Variants in ATM observed in about 807,000 individuals in gnomAD.
ATM encodes serine-protein kinase ATM.
A neutral mutation model predicts 387.0 loss-of-function variants in ATM; 308 were observed. The observed-to-expected ratio is 0.80, with a 90% CI of 0.73 to 0.87. ATM has a LOEUF of 0.87. Ranked by LOEUF, ATM falls within the 40% of genes least tolerant of loss-of-function variation. ATM has a pLI of 0.00. For synonymous variants in ATM, 1,156 were observed against 1,187.3 expected, an observed-to-expected ratio of 0.97 and a Z score of 0.54; for missense variants, 3,312 against 3,560.9, an observed-to-expected ratio of 0.93 and a Z score of 1.78.
At position 108,354,880 on chromosome 11, in the gene ATM, G is replaced by C. The variant is rs2089704921; in HGVS notation, c.8850+6G>C. The C allele has an allele frequency of 1.2e-6, 2 of 1,609,554 alleles. No homozygotes were observed. On this transcript the variant is annotated splice_donor_region_variant and intron_variant, in intron 61 of 62. Transcript: ENST00000675843. Reference sequence around the variant, plus strand: ...CTCTGTTAACCATTGTAGAGGTAAAGTATTTTATAAGGAAGACTTTATTTT... The same window carrying C: ...CTCTGTTAACCATTGTAGAGGTAAACTATTTTATAAGGAAGACTTTATTTT...
chr11:108,269,911 A>G (rs2081480969), intron 18 of ATM, among the ~76,000 whole-genome samples: 1 of 152,240 alleles, frequency 6.6e-6, no homozygotes, highest in Non-Finnish European at 1.5e-5. Flanking sequence ...ATCCCTGACC[A>G]AGAGGAAGTT....
intron 34 of ATM, among the ~76,000 whole-genome samples, chr11:108,300,209 C>A (rs2083354972): frequency 3.3e-5 from 5 of 152,130 alleles, no homozygotes; most frequent in African/African-American, 1.2e-4. Flanking sequence ...ATGTTTTAGG[C>A]TCTTGTCAGT....
intron 61 of ATM, among the ~76,000 whole-genome samples, chr11:108,359,749 G>A (rs1175501947): frequency 3.3e-5 from 5 of 152,088 alleles, no homozygotes; most frequent in African/African-American, 4.8e-5. Flanking sequence ...TGAAACCAAC[G>A]AGAACAAAGA....
chr11:108,307,239 C>T (rs4988056), intron 37 of ATM, among the ~76,000 whole-genome samples: 3,969 of 151,680 alleles, frequency 0.026, 184 homozygotes, highest in African/African-American at 0.091. Flanking sequence ...AACCTCTGCC[C>T]CTCAGGATCA....
At chr11:108,245,151 C>T (rs914995900) in intron 7 of ATM, 125 bp downstream of exon 7, 6 of 811,450 alleles carry the variant, frequency 7.4e-6, no homozygotes, top group Non-Finnish European at 1.0e-5. Flanking sequence ...GATAATGTTA[C>T]TTAGCCATGA....
chr11:108,320,870 C>T (rs907505402), intron 44 of ATM, among the ~76,000 whole-genome samples: 1 of 152,010 alleles, frequency 6.6e-6, no homozygotes, highest in African/African-American at 2.4e-5. Context: ...AGTAGATTAA[C>T]ACATATTTTG....
At chr11:108,317,849 C>G (rs921275659) in intron 43 of ATM, among the ~76,000 whole-genome samples, 4 of 151,446 alleles carry the variant, frequency 2.6e-5, no homozygotes, top group Admixed American at 2.0e-4. Context: ...ACAACTTCAC[C>G]CCACCCCTAA....
At chr11:108,294,245 T>C (rs2082997222) in intron 31 of ATM, among the ~76,000 whole-genome samples, 1 of 152,184 alleles carries the variant, frequency 6.6e-6, no homozygotes, top group African/African-American at 2.4e-5. Context: ...CGAAATTATG[T>C]TTAGGTATAT....
At chr11:108,225,572 C>T (rs1282441142) in intron 1 of ATM, 1 of 152,178 alleles carries the variant, frequency 6.6e-6, no homozygotes, top group Non-Finnish European at 1.5e-5. Context: ...CTCCTGGGTT[C>T]AAGTGAGTCT....
chr11:108,253,768 G>A (rs986055761), intron 12 of ATM, 46 bp from the exon 13 acceptor site: 17 of 1,443,984 alleles, frequency 1.2e-5, no homozygotes, highest in Non-Finnish European at 1.6e-5. Context: ...ATAAGGCAAA[G>A]CATTAGGTAC....
At chr11:108,331,720 C>T (rs1453754708) in intron 51 of ATM, among the ~76,000 whole-genome samples, 159 bp from the exon 52 acceptor site, 1 of 151,726 alleles carries the variant, frequency 6.6e-6, no homozygotes, top group Non-Finnish European at 1.5e-5. Flanking sequence ...CTCTCTAATT[C>T]CTCATAGGCC....
intron 16 of ATM, among the ~76,000 whole-genome samples, chr11:108,266,789 ATTTTTTT>A (rs893198517): frequency 7.5e-6 from 1 of 132,582 alleles, no homozygotes; most frequent in African/African-American, 2.9e-5. Flanking sequence ...GATTAGGTAA[ATTTTTTT>A]TTTTTTTTTT....
intron 10 of ATM, among the ~76,000 whole-genome samples, chr11:108,251,540 A>G (rs2080149009): frequency 6.6e-6 from 1 of 152,198 alleles, no homozygotes; most frequent in South Asian, 2.1e-4. Flanking sequence ...ATTCCTTCTA[A>G]TTGTATACGT....
chr11:108,352,408 G>A (rs891762289), intron 59 of ATM, among the ~76,000 whole-genome samples: 7 of 152,300 alleles, frequency 4.6e-5, no homozygotes, highest in African/African-American at 1.7e-4. Context: ...ACTGCAGAAT[G>A]AGGAGACAGA....
At chr11:108,332,700 ACT>A (rs1425402632) in intron 52 of ATM, 60 bp from the exon 53 acceptor site, 1 of 1,549,064 alleles carries the variant, frequency 6.5e-7, no homozygotes, top group African/African-American at 1.4e-5. Flanking sequence ...TGTTTTTCTA[ACT>A]CTGAGAAGTT....
chr11:108,256,211 T>A lies in ATM; in HGVS notation c.2125-4T>A, dbSNP rs1064795623. The A allele has an allele frequency of 6.2e-7, 1 of 1,601,554 alleles. No individual in the cohort carries two copies. The highest frequency in any genetic ancestry group is 1.1e-5 in the South Asian group (1 of 89,432). On this transcript the variant is annotated splice_region_variant and splice_polypyrimidine_tract_variant and intron_variant, in intron 13 of 62. Coordinates refer to ENST00000675843, the MANE Select transcript of ATM (RefSeq NM_000051.4). ...ATATATTTTTATTTGTGGTTTACTT[T>A]AAGATTACAAATTCAGAAACTCTTG...
chr11:108,237,752 A>T (rs943386694), intron 5 of ATM, among the ~76,000 whole-genome samples: 1 of 152,128 alleles, frequency 6.6e-6, no homozygotes, highest in Non-Finnish European at 1.5e-5. Flanking sequence ...TAAATTTTGG[A>T]ATCAGCTTAC....
rs1060504307 is a variant in ATM, at chr11:108,335,886, C to T, written c.8193C>T (p.Val2731=). 1.2e-6 allele frequency: 2 copies of T among 1,613,842 alleles called. No individual in the cohort carries two copies. The highest frequency in any genetic ancestry group is 2.7e-5 in the African/African-American group (2 of 74,882). ...DLRQDAVMQQ[V]FQMCNTLLQR... Reference sequence around the variant, plus strand: ...GACAAGATGCTGTCATGCAACAGGTCTTCCAGATGTGTAATACATTACTGC... The same window carrying T: ...GACAAGATGCTGTCATGCAACAGGTTTTCCAGATGTGTAATACATTACTGC... The change falls in exon 56 of 63, where the codon GTC becomes GTT. Residue 2731 remains valine, a synonymous_variant. Transcript: ENST00000675843.
chr11:108,275,552 G>T (rs967549789), intron 22 of ATM, among the ~76,000 whole-genome samples: 1 of 152,210 alleles, frequency 6.6e-6, no homozygotes, highest in Non-Finnish European at 1.5e-5. Context: ...TGTAAGGCAG[G>T]CCTGGTGGTG....
Sources: allele counts gnomAD v4.1 joint callset (sites outside exome capture counted in the v4.1 genomes callset), GRCh38; gene constraint gnomAD v4.1.1; transcripts MANE v1.5; gene names NCBI Gene and HGNC (gene_info 2026-07-23, HGNC 2026-07-21).